The following MDGA2 variants were observed in gnomAD, a reference collection of about 807,000 sequenced individuals.
MDGA2 encodes the protein MAM domain-containing glycosylphosphatidylinositol anchor protein 2.
A neutral mutation model predicts 117.8 loss-of-function variants in MDGA2; 40 were observed. That is an observed-to-expected ratio of 0.34 (90% CI 0.26 to 0.44). MDGA2 has a LOEUF of 0.44. Among genes scored for constraint, MDGA2 ranks in the 20% least tolerant of loss-of-function variants. The pLI, the probability that MDGA2 is intolerant of heterozygous loss-of-function variation, is 1.00. For synonymous variants in MDGA2, 452 were observed against 439.0 expected (o/e 1.03, Z -0.37); for missense variants, 1,123 against 1,250.6 (o/e 0.90, Z 1.54).
In MDGA2 at chr14:47,297,343, A is replaced by G. The variant is rs191002851; in HGVS notation, c.420+4068T>C. ...TACTGTTTAAGTCATTTACAAGAAG[A>G]CTATATTTATAATGTATTTAAATTA... On this transcript the variant is annotated intron_variant, in intron 2 of 16. Coordinates refer to ENST00000399232, the MANE Select transcript of MDGA2 (RefSeq NM_001113498.3). Among the ~76,000 whole-genome samples the G allele has an allele frequency of 1.9e-3, 296 of 151,812 alleles. 1 individual carries two copies. The highest frequency in any genetic ancestry group is 6.8e-3 in the African/African-American group (280 of 41,376).
chr14:47,347,132 G>C (rs1311035878), intron 1 of MDGA2, among the ~76,000 whole-genome samples: 1 of 152,066 alleles, frequency 6.6e-6, no homozygotes, highest in Non-Finnish European at 1.5e-5. Flanking sequence ...ACTAAACAGA[G>C]GTCTGCAGCC....
intron 1 of MDGA2, among the ~76,000 whole-genome samples, chr14:47,618,874 T>G (rs10144539): frequency 0.29 from 44,399 of 151,770 alleles, 6,932 homozygotes; most frequent in South Asian, 0.47. Flanking sequence ...AATTTTCTCT[T>G]CAAAGCAATC....
At chr14:47,135,571 T>C (rs548225515) in intron 4 of MDGA2, among the ~76,000 whole-genome samples, 2 of 152,296 alleles carry the variant, frequency 1.3e-5, no homozygotes, top group African/African-American at 4.8e-5. Context: ...TTTGGATCTC[T>C]TAAGATAATC....
chr14:47,197,721 G>C (rs7160940), intron 3 of MDGA2, among the ~76,000 whole-genome samples: 35,218 of 151,922 alleles, frequency 0.23, 4,510 homozygotes, highest in East Asian at 0.35. Flanking sequence ...CCAGCCTGAC[G>C]AACATGGTGA....
chr14:47,141,016 T>A (rs1041430597), intron 4 of MDGA2, among the ~76,000 whole-genome samples: 1 of 152,012 alleles, frequency 6.6e-6, no homozygotes, highest in Non-Finnish European at 1.5e-5. Flanking sequence ...AAAGAATACA[T>A]ACAAATGACC....
At chr14:47,672,646 A>C (rs1898096432) in intron 1 of MDGA2, among the ~76,000 whole-genome samples, 1 of 152,156 alleles carries the variant, frequency 6.6e-6, no homozygotes. Context: ...CAAATTTAAA[A>C]AACAAACCAG....
chr14:47,350,835 G>C (rs936845325), intron 1 of MDGA2, among the ~76,000 whole-genome samples: 2 of 152,214 alleles, frequency 1.3e-5, no homozygotes, highest in Non-Finnish European at 2.9e-5. Context: ...AGGGAGTTCT[G>C]AGTGCAGTGG....
intron 1 of MDGA2, among the ~76,000 whole-genome samples, chr14:47,406,378 T>C (rs1213014224): frequency 6.6e-6 from 1 of 151,992 alleles, no homozygotes; most frequent in South Asian, 2.1e-4. Context: ...GTAGTACAAG[T>C]GACTGACAAT....
intron 3 of MDGA2, among the ~76,000 whole-genome samples, chr14:47,188,712 A>T (rs1445278042): frequency 6.6e-6 from 1 of 152,200 alleles, no homozygotes; most frequent in Non-Finnish European, 1.5e-5. Context: ...AAATGTTTGT[A>T]GCAGTTAAAA....
At chr14:46,911,305 T>A (rs1471157580) in intron 10 of MDGA2, among the ~76,000 whole-genome samples, 6 of 152,226 alleles carry the variant, frequency 3.9e-5, no homozygotes, top group Non-Finnish European at 5.9e-5. Flanking sequence ...CATTTCTTTC[T>A]TGAACATTTT....
chr14:46,920,948 G>A (rs1235209975), intron 9 of MDGA2, among the ~76,000 whole-genome samples: 2 of 152,060 alleles, frequency 1.3e-5, no homozygotes, highest in Non-Finnish European at 2.9e-5. Context: ...AAAGAAATGT[G>A]AATTACGTAT....
chr14:47,057,185 C>G (rs140310312), intron 7 of MDGA2, among the ~76,000 whole-genome samples: 1 of 152,274 alleles, frequency 6.6e-6, no homozygotes, highest in East Asian at 1.9e-4. Flanking sequence ...TCCACTGTCA[C>G]TAGCGCAATG....
At chr14:47,439,884 T>C (rs1390669960) in intron 1 of MDGA2, among the ~76,000 whole-genome samples, 1 of 151,910 alleles carries the variant, frequency 6.6e-6, no homozygotes, top group Non-Finnish European at 1.5e-5. Context: ...TATTAGTCAG[T>C]TTCCACAATT....
intron 1 of MDGA2, among the ~76,000 whole-genome samples, chr14:47,568,834 A>C (rs1023729602): frequency 6.6e-6 from 1 of 151,998 alleles, no homozygotes; most frequent in Non-Finnish European, 1.5e-5. Context: ...ATGTACTTCC[A>C]ATTTTTTTTT....
intron 13 of MDGA2, among the ~76,000 whole-genome samples, 173 bp from the exon 14 acceptor site, chr14:46,873,764 G>T (rs1882111151): frequency 6.6e-6 from 1 of 151,724 alleles, no homozygotes; most frequent in Admixed American, 6.6e-5. Flanking sequence ...GTAACACAAA[G>T]AATAAATGAT....
chr14:47,171,739 G>A (rs1334591445), intron 3 of MDGA2, among the ~76,000 whole-genome samples: 1 of 152,174 alleles, frequency 6.6e-6, no homozygotes, highest in East Asian at 1.9e-4. Context: ...GGAGATTTCT[G>A]CATTTCCATC....
At chr14:47,648,162 A>G (rs1276535142) in intron 1 of MDGA2, among the ~76,000 whole-genome samples, 1 of 152,162 alleles carries the variant, frequency 6.6e-6, no homozygotes, top group Non-Finnish European at 1.5e-5. Flanking sequence ...TATATTGTTA[A>G]GAGACATGAA....
intron 15 of MDGA2, 114 bp from the exon 16 acceptor site, chr14:46,845,985 A>G: frequency 5.6e-6 from 4 of 712,388 alleles, no homozygotes; most frequent in Non-Finnish European, 9.7e-6. Context: ...CATCTTTTAT[A>G]TTTGATGGCT....
At chr14:47,293,015 C>T (rs935708144) in intron 2 of MDGA2, among the ~76,000 whole-genome samples, 3 of 152,132 alleles carry the variant, frequency 2.0e-5, no homozygotes, top group African/African-American at 7.2e-5. Context: ...CTGAAAATGG[C>T]AGTCAGACCA....
Sources: gnomAD v4.1 joint callset for allele counts (sites outside exome capture counted in the v4.1 genomes callset) on GRCh38, gnomAD v4.1.1 for gene constraint, MANE v1.5 for transcripts, NCBI Gene and HGNC (gene_info 2026-07-23, HGNC 2026-07-21) for gene names.